MAN1C1: variants seen among roughly 807,000 people sequenced by gnomAD.
The protein encoded by MAN1C1 is mannosyl-oligosaccharide 1,2-alpha-mannosidase IC.
MAN1C1 carries 49 observed loss-of-function variants against 71.5 expected under a neutral mutation model. That is an observed-to-expected ratio of 0.69 (90% CI 0.54 to 0.87). The LOEUF is 0.87. Ranked by LOEUF, MAN1C1 falls within the 40% of genes least tolerant of loss-of-function variation. The probability of loss-of-function intolerance (pLI) is 0.00; values close to 1 mark genes in which losing one functional copy is unlikely to be tolerated. For synonymous variants in MAN1C1, 352 were observed against 343.7 expected, an observed-to-expected ratio of 1.02 and a Z score of -0.27; for missense variants, 743 against 835.0, an observed-to-expected ratio of 0.89 and a Z score of 1.36.
At chr1:25,654,539 C>T (rs1434185111) in intron 1 of MAN1C1, among the ~76,000 whole-genome samples, 1 of 152,096 alleles carries the variant, frequency 6.6e-6, no homozygotes, top group Non-Finnish European at 1.5e-5. Context: ...ACTGTGCTTT[C>T]TTTATGCTTT....
intron 2 of MAN1C1, among the ~76,000 whole-genome samples, chr1:25,745,058 A>T (rs376822531): frequency 6.6e-6 from 1 of 152,342 alleles, no homozygotes; most frequent in African/African-American, 2.4e-5. Context: ...AGTAGCAGGC[A>T]TGTCCCTTTC....
At chr1:25,751,874 C>T (rs1481779761) in intron 4 of MAN1C1, among the ~76,000 whole-genome samples, 2 of 152,188 alleles carry the variant, frequency 1.3e-5, no homozygotes, top group Non-Finnish European at 2.9e-5. Flanking sequence ...CATGGCGTCA[C>T]TGCTTGTCAC....
rs145617955 is a variant in MAN1C1 at position 25,778,849 on chromosome 1, T to G, written c.1477+525T>G. Among the ~76,000 whole-genome samples, 788 of 152,222 alleles carry G rather than the reference T, an allele frequency of 5.2e-3. 9 individuals carry two copies. Among genetic ancestry groups the G allele is most frequent in the African/African-American group, 0.018 (747 of 41,528 alleles). ...ACCGGAAAGCCTGAGAGCTTGGTCC[T>G]CCCCACCCACCACTCACCACTGAAT... On this transcript the variant is annotated intron_variant, in intron 9 of 11. Coordinates refer to ENST00000374332, the MANE Select transcript of MAN1C1 (RefSeq NM_020379.4). This position sits in a 1 kb window ranked among gnomAD's most constrained non-coding sequence, Gnocchi z 5.5.
rs1412486876 is a variant in MAN1C1, at chr1:25,764,075, A to C, written c.1141+108A>C. 10 of 896,788 alleles carry C rather than the reference A, an allele frequency of 1.1e-5. No individual in the cohort carries two copies. The highest frequency in any genetic ancestry group is 4.1e-5 in the Admixed American group (2 of 48,526). 55.6% of individuals were successfully genotyped at this position (896,788 alleles called of 1,614,324 possible). A position where few individuals can be genotyped will look rare whatever the true frequency, so the allele number is the denominator to read the frequency against. Reference sequence around the variant, plus strand: ...GAGTGAGGATGTGTCTGTCAGAGCCATGCAGCCAGCAAGGCATTCGCTCGG... The same window carrying C: ...GAGTGAGGATGTGTCTGTCAGAGCCCTGCAGCCAGCAAGGCATTCGCTCGG... On this transcript the variant is annotated intron_variant, in intron 7 of 11. Transcript: ENST00000374332. This position sits in a 1 kb window ranked among gnomAD's most constrained non-coding sequence, Gnocchi z 4.4.
At chr1:25,684,831 A>G (rs2046206769) in intron 1 of MAN1C1, among the ~76,000 whole-genome samples, 1 of 152,214 alleles carries the variant, frequency 6.6e-6, no homozygotes, top group African/African-American at 2.4e-5. Context: ...TCTGGGCGTG[A>G]GGTGAGTGAT....
At chr1:25,654,778 C>CT (rs2045740266) in intron 1 of MAN1C1, among the ~76,000 whole-genome samples, 1 of 152,108 alleles carries the variant, frequency 6.6e-6, no homozygotes, top group Non-Finnish European at 1.5e-5. Context: ...TCCCGAGTAG[C>CT]TGGGACTACA....
chr1:25,636,722 GA>G (rs2045466544), intron 1 of MAN1C1, among the ~76,000 whole-genome samples: 1 of 152,230 alleles, frequency 6.6e-6, no homozygotes, highest in Non-Finnish European at 1.5e-5. Flanking sequence ...AAGATAACGG[GA>G]TTAAGAGATT....
chr1:25,771,118 C>A (rs2047545354), intron 7 of MAN1C1, among the ~76,000 whole-genome samples: 1 of 152,182 alleles, frequency 6.6e-6, no homozygotes, highest in African/African-American at 2.4e-5. Flanking sequence ...CAACTCAATT[C>A]TTCTCTTTCC....
chr1:25,683,213 T>C (rs1458423628), intron 1 of MAN1C1, among the ~76,000 whole-genome samples: 1 of 152,138 alleles, frequency 6.6e-6, no homozygotes, highest in Non-Finnish European at 1.5e-5. Flanking sequence ...TCACCCTTTC[T>C]TGTGCCCCTC....
At chr1:25,687,599 C>T (rs569245515) in intron 2 of MAN1C1, among the ~76,000 whole-genome samples, 1 of 152,258 alleles carries the variant, frequency 6.6e-6, no homozygotes, top group South Asian at 2.1e-4. Context: ...GGGATATCCC[C>T]CCATCACCCC....
intron 1 of MAN1C1, among the ~76,000 whole-genome samples, chr1:25,624,760 C>G (rs145451265): frequency 2.1e-3 from 314 of 152,266 alleles, no homozygotes; most frequent in Middle Eastern, 3.4e-3. Flanking sequence ...CTCCTTCCAC[C>G]TCTGCCATCT....
chr1:25,758,841 C>A, intron 6 of MAN1C1, 132 bp downstream of exon 6: 1 of 802,602 alleles, frequency 1.2e-6, no homozygotes. Flanking sequence ...GGAGCCCAAG[C>A]TACCACTAAG....
At chr1:25,665,771 T>C (rs975144454) in intron 1 of MAN1C1, among the ~76,000 whole-genome samples, 1 of 151,988 alleles carries the variant, frequency 6.6e-6, no homozygotes, top group Non-Finnish European at 1.5e-5. Context: ...GAAGAAATGG[T>C]GTCAGAGTTA....
intron 2 of MAN1C1, among the ~76,000 whole-genome samples, chr1:25,728,456 G>A (rs2046864495): frequency 6.6e-6 from 1 of 152,202 alleles, no homozygotes; most frequent in African/African-American, 2.4e-5. Context: ...TGCCTGGTGG[G>A]TCTGTTTAGG....
chr1:25,626,348 ATTTC>A (rs768012990), intron 1 of MAN1C1, among the ~76,000 whole-genome samples: 8 of 147,504 alleles, frequency 5.4e-5, no homozygotes, highest in African/African-American at 1.5e-4. Context: ...TTTATTTGCT[ATTTC>A]TTTCTTTCTT....
intron 7 of MAN1C1, among the ~76,000 whole-genome samples, chr1:25,768,437 C>T (rs1422283352): frequency 1.5e-5 from 2 of 137,388 alleles, no homozygotes; most frequent in Non-Finnish European, 3.1e-5. Flanking sequence ...ATTACACACT[C>T]CCCTCACACA....
In MAN1C1 at chr1:25,778,280, C is replaced by A; in HGVS notation, c.1433C>A (p.Ala478Glu). The A allele has an allele frequency of 6.2e-7, 1 of 1,613,912 alleles. No individual in the cohort carries two copies. Among genetic ancestry groups the A allele is most frequent in the South Asian group, 1.1e-5 (1 of 91,068 alleles). The change falls in exon 9 of 12, where the codon GCA becomes GAA. Residue 478 changes from alanine to glutamate, a missense_variant. Transcript: ENST00000374332. The surrounding 1 kb of genome is among the most constrained non-coding windows in gnomAD (Gnocchi z 5.5). ...AAGAGGGCCCACTACCGAGAGCTCG[C>A]AGCCCAGATCACCAAGACGTGTCAC... ...EEKRAHYREL[A>E]AQITKTCHES... is the part of the protein sequence containing the mutation.
chr1:25,722,476 A>G (rs752216233), intron 2 of MAN1C1, among the ~76,000 whole-genome samples: 2 of 152,162 alleles, frequency 1.3e-5, no homozygotes, highest in African/African-American at 2.4e-5. Flanking sequence ...GTTCTACTCT[A>G]CAAAATTTCC....
chr1:25,629,047 A>C (rs1374751440), intron 1 of MAN1C1, among the ~76,000 whole-genome samples: 1 of 152,206 alleles, frequency 6.6e-6, no homozygotes, highest in Non-Finnish European at 1.5e-5. Context: ...ATTGTGCTGC[A>C]GTAAACATGC....
Sources: allele counts gnomAD v4.1 joint callset (sites outside exome capture counted in the v4.1 genomes callset), GRCh38; gene constraint gnomAD v4.1.1; non-coding constraint Gnocchi (gnomAD v3.1); transcripts MANE v1.5; gene names NCBI Gene and HGNC (gene_info 2026-07-23, HGNC 2026-07-21).